PDE4B: variants seen among roughly 807,000 people sequenced by gnomAD.
PDE4B encodes phosphodiesterase 4B.
PDE4B carries 20 observed loss-of-function variants against 82.2 expected under a neutral mutation model. That is an observed-to-expected ratio of 0.24 (90% CI 0.17 to 0.35). The LOEUF (loss-of-function observed/expected upper bound fraction) is 0.35, where lower values mean the gene tolerates loss of function less well. Ranked by LOEUF, PDE4B falls within the 10% of genes least tolerant of loss-of-function variation. The probability of loss-of-function intolerance (pLI) is 1.00; values close to 1 mark genes in which losing one functional copy is unlikely to be tolerated. For synonymous variants in PDE4B, 320 were observed against 318.9 expected, an observed-to-expected ratio of 1.00 and a Z score of -0.04; for missense variants, 655 against 907.2, an observed-to-expected ratio of 0.72 and a Z score of 3.57.
At chr1:66,280,233 C>T (rs746727841) in intron 7 of PDE4B, among the ~76,000 whole-genome samples, 35 of 152,332 alleles carry the variant, frequency 2.3e-4, no homozygotes, top group Non-Finnish European at 3.7e-4. Context: ...AGACCAGAAG[C>T]GCAAGCTATT....
intron 1 of PDE4B, among the ~76,000 whole-genome samples, chr1:65,878,658 A>G (rs543603881): frequency 5.3e-5 from 8 of 152,190 alleles, no homozygotes; most frequent in African/African-American, 1.4e-4. Flanking sequence ...GCATGTTCTC[A>G]CTCATGAGTG....
chr1:66,211,778 T>G (rs1330847582), intron 3 of PDE4B, among the ~76,000 whole-genome samples: 6 of 152,216 alleles, frequency 3.9e-5, no homozygotes. Context: ...ATCCCAACTT[T>G]GTGATGTTTT....
rs1553196106 is a variant in PDE4B at position 65,887,247 on chromosome 1, T to TC, written c.-70-25998_-70-25997insC. On this transcript the variant is annotated intron_variant, in intron 1 of 16. Transcript: ENST00000341517. ...CTTTCTTTCTTTCTTTCTTTCTTTC[T>TC]TTTCTTTCTTTCTTTCCTTCCTTCT... 3.2e-3 allele frequency among the ~76,000 whole-genome samples: 122 copies of TC among 37,722 alleles called. 4 individuals carry two copies. Among genetic ancestry groups the TC allele is most frequent in the African/African-American group, 0.012 (115 of 9,440 alleles). The allele number at this position is 37,722 out of a possible 152,430, so 24.7% of individuals were successfully genotyped here. A position where few individuals can be genotyped will look rare whatever the true frequency, so the allele number is the denominator to read the frequency against.
intron 3 of PDE4B, among the ~76,000 whole-genome samples, chr1:66,177,824 TC>T (rs1646964982): frequency 6.6e-6 from 1 of 152,138 alleles, no homozygotes; most frequent in Non-Finnish European, 1.5e-5. Context: ...AAAGGTGGGA[TC>T]ATCATGGTTC....
At chr1:66,021,383 TCCTTG>T (rs1395145905) in intron 3 of PDE4B, among the ~76,000 whole-genome samples, 4 of 152,206 alleles carry the variant, frequency 2.6e-5, no homozygotes, top group African/African-American at 9.7e-5. Context: ...AGTCATGAAG[TCCTTG>T]CCCATGCCTA....
At chr1:66,013,941 C>T (rs1227112126) in intron 3 of PDE4B, among the ~76,000 whole-genome samples, 1 of 152,094 alleles carries the variant, frequency 6.6e-6, no homozygotes, top group Non-Finnish European at 1.5e-5. Context: ...TCTCCACATT[C>T]TGACCAATAT....
chr1:66,135,357 T>C (rs1427267862), intron 3 of PDE4B, among the ~76,000 whole-genome samples: 1 of 152,214 alleles, frequency 6.6e-6, no homozygotes, highest in Non-Finnish European at 1.5e-5. Flanking sequence ...GGATTCGCAG[T>C]GTCAGCAGTT....
At chr1:66,361,557 T>C (rs1662771580) in intron 9 of PDE4B, 58 bp from the exon 10 acceptor site, 4 of 1,352,764 alleles carry the variant, frequency 3.0e-6, no homozygotes, top group Non-Finnish European at 3.1e-6. Flanking sequence ...GTTTTGAATA[T>C]TGCAGTGGAT....
intron 3 of PDE4B, among the ~76,000 whole-genome samples, chr1:65,994,469 C>T (rs528068074): frequency 2.0e-4 from 30 of 149,958 alleles, no homozygotes; most frequent in Non-Finnish European, 3.7e-4. Flanking sequence ...TTGCAGAATA[C>T]ACGTGGTTAG....
chr1:66,001,164 A>T (rs1451575881), intron 3 of PDE4B, among the ~76,000 whole-genome samples: 2 of 152,210 alleles, frequency 1.3e-5, no homozygotes, highest in Non-Finnish European at 2.9e-5. Flanking sequence ...TGGCAGCAGG[A>T]TAAATGAGGA....
At chr1:66,024,437 C>G (rs1263553557) in intron 3 of PDE4B, among the ~76,000 whole-genome samples, 1 of 152,016 alleles carries the variant, frequency 6.6e-6, no homozygotes, top group Non-Finnish European at 1.5e-5. Context: ...CTTGCTACCC[C>G]CAAGGAAGCC....
intron 1 of PDE4B, among the ~76,000 whole-genome samples, chr1:65,796,760 C>T (rs1174823641): frequency 2.0e-5 from 3 of 150,008 alleles, no homozygotes; most frequent in African/African-American, 4.9e-5. Context: ...AGCGATTCTC[C>T]TGCCTTAGCT....
At chr1:66,255,915 C>T (rs1654183465) in intron 4 of PDE4B, among the ~76,000 whole-genome samples, 2 of 152,214 alleles carry the variant, frequency 1.3e-5, no homozygotes, top group South Asian at 4.1e-4. Context: ...CCTGTAACTC[C>T]AGCACTTGGG....
At chr1:66,036,064 G>T (rs1369246759) in intron 3 of PDE4B, among the ~76,000 whole-genome samples, 4 of 152,112 alleles carry the variant, frequency 2.6e-5, no homozygotes, top group Non-Finnish European at 5.9e-5. Flanking sequence ...TGTCATTGTG[G>T]TTTTAATTTG....
chr1:65,972,787 T>C (rs1310049264), intron 3 of PDE4B, among the ~76,000 whole-genome samples: 1 of 152,200 alleles, frequency 6.6e-6, no homozygotes, highest in Non-Finnish European at 1.5e-5. Flanking sequence ...CCACTGTAAC[T>C]AGTCTTACTA....
chr1:66,341,018 G>C (rs1186034233), intron 8 of PDE4B, among the ~76,000 whole-genome samples: 1 of 152,144 alleles, frequency 6.6e-6, no homozygotes, highest in Non-Finnish European at 1.5e-5. Flanking sequence ...TCTAGTTATA[G>C]TTTTACATGA....
intron 7 of PDE4B, among the ~76,000 whole-genome samples, chr1:66,331,512 G>A (rs1049159274): frequency 3.9e-5 from 6 of 152,102 alleles, no homozygotes; most frequent in African/African-American, 1.5e-4. Context: ...GACATGTTAA[G>A]GATATGTAAA....
At chr1:66,223,219 A>T (rs919190634) in intron 3 of PDE4B, among the ~76,000 whole-genome samples, 1 of 152,204 alleles carries the variant, frequency 6.6e-6, no homozygotes, top group African/African-American at 2.4e-5. Context: ...GTGAAGAAAA[A>T]TGCACAGGAA....
At chr1:66,178,666 A>T (rs910630994) in intron 3 of PDE4B, among the ~76,000 whole-genome samples, 2 of 152,214 alleles carry the variant, frequency 1.3e-5, no homozygotes, top group Non-Finnish European at 2.9e-5. Flanking sequence ...GCAAGTCAAC[A>T]AATTTTTATG....
Sources: allele counts gnomAD v4.1 joint callset (sites outside exome capture counted in the v4.1 genomes callset), GRCh38; gene constraint gnomAD v4.1.1; transcripts MANE v1.5; gene names NCBI Gene and HGNC (gene_info 2026-07-23, HGNC 2026-07-21).